PLXNA4: variants seen among roughly 807,000 people sequenced by gnomAD.
PLXNA4 encodes plexin A4.
In PLXNA4, 44 loss-of-function variants were observed where a neutral mutation model predicts 191.8. That is an observed-to-expected ratio of 0.23 (90% CI 0.18 to 0.29). The LOEUF (loss-of-function observed/expected upper bound fraction) is 0.29, where lower values mean the gene tolerates loss of function less well. Ranked by LOEUF, PLXNA4 falls within the 10% of genes least tolerant of loss-of-function variation. The probability of loss-of-function intolerance (pLI) is 1.00; values close to 1 mark genes in which losing one functional copy is unlikely to be tolerated. For synonymous variants in PLXNA4, 1,082 were observed against 1,009.5 expected, an observed-to-expected ratio of 1.07 and a Z score of -1.36; for missense variants, 1,800 against 2,488.8, an observed-to-expected ratio of 0.72 and a Z score of 5.89.
chr7:132,262,839 T>C (rs1799700281), intron 4 of PLXNA4, among the ~76,000 whole-genome samples: 1 of 152,066 alleles, frequency 6.6e-6, no homozygotes, highest in Non-Finnish European at 1.5e-5. Flanking sequence ...TGCCAGTCCC[T>C]AGAGACCACT....
intron 2 of PLXNA4, among the ~76,000 whole-genome samples, chr7:132,629,528 T>A (rs1426110142): frequency 6.6e-6 from 1 of 152,238 alleles, no homozygotes; most frequent in Non-Finnish European, 1.5e-5. Context: ...GCATATTTTT[T>A]AACTCTTCTA....
At chr7:132,310,543 T>C (rs1801687993) in intron 3 of PLXNA4, among the ~76,000 whole-genome samples, 1 of 152,246 alleles carries the variant, frequency 6.6e-6, no homozygotes, top group Non-Finnish European at 1.5e-5. Context: ...TTTGATGTTC[T>C]GTCCTTACAG....
At chr7:132,563,537 C>T (rs1188064964) in intron 1 of PLXNA4, among the ~76,000 whole-genome samples, 2 of 115,184 alleles carry the variant, frequency 1.7e-5, no homozygotes, top group Non-Finnish European at 3.7e-5. Flanking sequence ...TCCTCTTTCT[C>T]CTCCTCCTCC....
chr7:132,158,319 C>T (rs1322238357), intron 25 of PLXNA4, among the ~76,000 whole-genome samples: 1 of 152,156 alleles, frequency 6.6e-6, no homozygotes, highest in Non-Finnish European at 1.5e-5. Context: ...AGCATAGATG[C>T]CCGTCTGTCT....
rs781670649 is a variant in PLXNA4 at position 132,147,929 on chromosome 7, G to A, written c.4835C>T (p.Thr1612Ile). 2.5e-6 allele frequency: 4 copies of A among 1,614,160 alleles called. No individual in the cohort carries two copies. The highest frequency in any genetic ancestry group is 1.1e-5 in the South Asian group (1 of 91,068). ...VTAYNAVNNS[T>I]VSRTSASKYE... Reference sequence around the variant, plus strand: ...TTTACTTGCTGAGGTCCTGGAGACGGTGGAGTTGTTCACTGCGTTATAGGC... The same window carrying A: ...TTTACTTGCTGAGGTCCTGGAGACGATGGAGTTGTTCACTGCGTTATAGGC... The change falls in exon 27 of 32, where the codon ACC (threonine) becomes ATC (isoleucine). Residue 1612 changes from threonine to isoleucine, a missense_variant. By Grantham distance (89) the Thr-to-Ile change is moderately conservative (BLOSUM62 -1). This residue lies in a region of PLXNA4 where 214 missense variants were observed against 298.2 expected (regional missense o/e 0.72). Transcript: ENST00000321063.
rs1277672771 is a variant in PLXNA4, at chr7:132,227,426, T to C, written c.1882+25A>G. 5.6e-6 allele frequency: 9 copies of C among 1,613,760 alleles called. No homozygotes were observed. In the South Asian group the frequency reaches 7.7e-5, roughly 14 times the overall value. ...TCTAGCCAGGAGGAAGAAGTGCCAC[T>C]CAGCTGTGCCTCCGGGATGCTCACC... On this transcript the variant is annotated intron_variant, in intron 7 of 31. Transcript: ENST00000321063.
At chr7:132,590,826 A>G (rs1802592416) in intron 2 of PLXNA4, among the ~76,000 whole-genome samples, 1 of 152,102 alleles carries the variant, frequency 6.6e-6, no homozygotes. Flanking sequence ...ACTCAATATT[A>G]ACCATCACAC....
intron 3 of PLXNA4, among the ~76,000 whole-genome samples, chr7:132,458,024 G>C (rs1356693178): frequency 6.6e-6 from 1 of 152,164 alleles, no homozygotes; most frequent in Non-Finnish European, 1.5e-5. Flanking sequence ...CACCAAATTT[G>C]GGGTAATTTG....
chr7:132,633,909 C>T (rs182329919), intron 2 of PLXNA4, among the ~76,000 whole-genome samples: 8 of 152,226 alleles, frequency 5.3e-5, no homozygotes, highest in Admixed American at 3.3e-4. Context: ...TCCCACTCAG[C>T]ACACACAGCA....
chr7:132,178,713 T>TACACATACACACACACAC (rs142378860), intron 20 of PLXNA4, among the ~76,000 whole-genome samples: 1 of 112,078 alleles, frequency 8.9e-6, no homozygotes, highest in African/African-American at 3.8e-5. Context: ...CACATACACA[T>TACACATACACACACACAC]ACACACACAC....
chr7:132,514,176 C>T (rs1365716148), intron 1 of PLXNA4, among the ~76,000 whole-genome samples: 1 of 151,864 alleles, frequency 6.6e-6, no homozygotes, highest in East Asian at 1.9e-4. Flanking sequence ...CTCAGCCTCC[C>T]CAGTAGCTAG....
At chr7:132,440,201 C>G (rs1229135384) in intron 3 of PLXNA4, among the ~76,000 whole-genome samples, 1 of 152,206 alleles carries the variant, frequency 6.6e-6, no homozygotes, top group African/African-American at 2.4e-5. Flanking sequence ...TTTACCCTCC[C>G]CCTGCCTTGC....
intron 2 of PLXNA4, among the ~76,000 whole-genome samples, chr7:132,597,572 C>T (rs1371413754): frequency 9.2e-6 from 1 of 108,404 alleles, no homozygotes; most frequent in Non-Finnish European, 2.0e-5. Flanking sequence ...CGTCTCTCTC[C>T]TTTTATTCAT....
intron 7 of PLXNA4, 141 bp from the exon 8 acceptor site, chr7:132,226,401 G>A (rs1273917095): frequency 3.0e-5 from 19 of 642,986 alleles, no homozygotes; most frequent in Non-Finnish European, 5.2e-5. Context: ...AGCAGACCCA[G>A]TCCCAGGACA....
chr7:132,340,632 T>A (rs889067087), intron 3 of PLXNA4, among the ~76,000 whole-genome samples: 1 of 152,160 alleles, frequency 6.6e-6, no homozygotes, highest in African/African-American at 2.4e-5. Context: ...CACAAGAGAA[T>A]TGGGAAATTG....
Position 132,402,456 on chromosome 7 carries a change from C to G in PLXNA4, c.1371+86836G>C, listed in dbSNP as rs554219313. ...GATACTCAAGTCCAAGTTCTAAATG[C>G]CTTGGAGAACATCTCTTTGCCTTTT... On this transcript the variant is annotated intron_variant, in intron 3 of 31. Coordinates refer to ENST00000321063, the MANE Select transcript of PLXNA4 (RefSeq NM_020911.2). Among the ~76,000 whole-genome samples, 8 of 152,298 alleles carry G rather than the reference C, an allele frequency of 5.3e-5. No individual in the cohort carries two copies. In the South Asian group the frequency reaches 1.7e-3, roughly 32 times the overall value.
At chr7:132,453,607 T>C (rs1004170151) in intron 3 of PLXNA4, among the ~76,000 whole-genome samples, 1 of 151,838 alleles carries the variant, frequency 6.6e-6, no homozygotes, top group African/African-American at 2.4e-5. Flanking sequence ...AGTGGCGCAA[T>C]CTCGGCTCAC....
At chr7:132,361,923 G>T (rs1386533021) in intron 3 of PLXNA4, among the ~76,000 whole-genome samples, 4 of 152,168 alleles carry the variant, frequency 2.6e-5, no homozygotes, top group African/African-American at 7.2e-5. Context: ...AAGAAGAAGA[G>T]AAATTGATAT....
At chr7:132,431,842 C>T (rs758095567) in intron 3 of PLXNA4, among the ~76,000 whole-genome samples, 10 of 152,278 alleles carry the variant, frequency 6.6e-5, no homozygotes, top group African/African-American at 1.2e-4. Context: ...CAGCACAGAC[C>T]GTAGCCCAGT....
Sources: gnomAD v4.1 joint callset for allele counts (sites outside exome capture counted in the v4.1 genomes callset) on GRCh38, gnomAD v4.1.1 for gene constraint, gnomAD v4.1.1 regional missense constraint, MANE v1.5 for transcripts, NCBI Gene and HGNC (gene_info 2026-07-23, HGNC 2026-07-21) for gene names.